PABIR3: variants seen among roughly 807,000 people sequenced by gnomAD.
PABIR3 encodes the protein PABIR family member 3, also known as PABIR family member 1.
PABIR3 carries 20 observed loss-of-function variants against 23.1 expected under a neutral mutation model. The ratio of observed to expected loss-of-function variants is 0.86; its 90% CI spans 0.61 to 1.26. PABIR3 has a LOEUF of 1.26. PABIR3 is among the 50% of genes most tolerant of loss of function. PABIR3 has a pLI of 0.00. For missense variants in PABIR3, 189 were observed against 195.4 expected (o/e 0.97, Z 0.20); for synonymous variants, 69 against 68.5 (o/e 1.01, Z -0.04).
At chrX:134,851,767 G>A (rs1172756556) in intron 9 of PABIR3, among the ~76,000 whole-genome samples, 3 of 111,538 alleles carry the variant, frequency 2.7e-5, no homozygotes, top group Non-Finnish European at 5.6e-5. Context: ...GGCAAGGCAC[G>A]GGACACCAGA....
In PABIR3 at chrX:134,854,078, T is replaced by G; in HGVS notation, c.687-13T>G. ...GAGTTCTGCTATCAATGAGTGGCATTTTCTTCTTCTAGTCTACTTCCAGCT... is the reference window on the plus strand; with the variant it reads ...GAGTTCTGCTATCAATGAGTGGCATGTTCTTCTTCTAGTCTACTTCCAGCT... On this transcript the variant is annotated splice_polypyrimidine_tract_variant and intron_variant, in intron 10 of 10. Coordinates refer to ENST00000645433, the MANE Select transcript of PABIR3 (RefSeq NM_001388447.1). The G allele has an allele frequency of 8.3e-7, 1 of 1,209,554 alleles. No homozygotes were observed. The highest frequency in any genetic ancestry group is 1.1e-6 in the Non-Finnish European group (1 of 894,258).
intron 2 of PABIR3, among the ~76,000 whole-genome samples, chrX:134,813,946 A>G (rs1372894835): frequency 9.1e-6 from 1 of 109,577 alleles, no homozygotes; most frequent in Non-Finnish European, 1.9e-5. Context: ...ACTTTTCAAT[A>G]GAAGCCAGAA....
chrX:134,849,135 T>C, intron 8 of PABIR3, 32 bp from the exon 9 acceptor site: 1 of 815,252 alleles, frequency 1.2e-6, no homozygotes, highest in Non-Finnish European at 1.6e-6. Flanking sequence ...TAAAAAAAAT[T>C]TCTTATAATG....
chrX:134,816,569 G>T (rs943026834), intron 3 of PABIR3, among the ~76,000 whole-genome samples: 1 of 110,778 alleles, frequency 9.0e-6, no homozygotes, highest in African/African-American at 3.3e-5. Flanking sequence ...TGATCCACCC[G>T]CCTTGGCCTC....
intron 10 of PABIR3, among the ~76,000 whole-genome samples, chrX:134,853,802 T>C (rs1446948038): frequency 9.1e-6 from 1 of 110,333 alleles, no homozygotes; most frequent in East Asian, 2.9e-4. Flanking sequence ...GTATTTTTAG[T>C]ATAGATGGGG....
At chrX:134,842,560 A>G (rs1435264677) in intron 4 of PABIR3, among the ~76,000 whole-genome samples, 1 of 110,761 alleles carries the variant, frequency 9.0e-6, no homozygotes, top group Non-Finnish European at 1.9e-5. Context: ...GTGAGCCGAG[A>G]TCGCGCCACT....
chrX:134,814,346 A>G, intron 2 of PABIR3, among the ~76,000 whole-genome samples: 1 of 111,685 alleles, frequency 9.0e-6, no homozygotes, highest in Non-Finnish European at 1.9e-5. Context: ...GTGTGTTTTA[A>G]TTTCTACCTT....
intron 3 of PABIR3, among the ~76,000 whole-genome samples, chrX:134,823,203 C>G (rs990833525): frequency 2.7e-5 from 3 of 110,556 alleles, no homozygotes; most frequent in African/African-American, 9.8e-5. Flanking sequence ...ATGTAACAAA[C>G]CTTCACATGT....
At chrX:134,848,928 A>AGGAGGC (rs2082527232) in intron 8 of PABIR3, among the ~76,000 whole-genome samples, 1 of 111,796 alleles carries the variant, frequency 8.9e-6, no homozygotes, top group Non-Finnish European at 1.9e-5. Flanking sequence ...ACTTGAACCC[A>AGGAGGC]GGAGGCGGAG....
Position 134,845,377 on chromosome X carries a change from C to T in PABIR3, c.321C>T (p.His107=), listed in dbSNP as rs2082399045. ...TACAAAGTGAGATACAGATAAGTCACTCTTGGGAAGAAGGCTTGAAACTGG... is the reference window on the plus strand; with the variant it reads ...TACAAAGTGAGATACAGATAAGTCATTCTTGGGAAGAAGGCTTGAAACTGG... The part of the protein sequence containing the change: ...WKLQSEIQIS[H]SWEEGLKLND... Residue 107 remains histidine, a synonymous_variant, in exon 6 of 11, where the codon CAC becomes CAT. Transcript: ENST00000645433. 1 of 1,203,980 alleles carries T rather than the reference C, an allele frequency of 8.3e-7. No homozygotes were observed. Among genetic ancestry groups the T allele is most frequent in the Non-Finnish European group, 1.1e-6 (1 of 893,218 alleles).
At chrX:134,798,681 G>A (rs1023028698) in intron 1 of PABIR3, among the ~76,000 whole-genome samples, 8 of 111,979 alleles carry the variant, frequency 7.1e-5, no homozygotes, top group African/African-American at 2.6e-4. Flanking sequence ...AGACCCTGTG[G>A]GTCATTGTCC....
chrX:134,850,927 C>A (rs1443187275), intron 9 of PABIR3, among the ~76,000 whole-genome samples: 1 of 111,581 alleles, frequency 9.0e-6, no homozygotes, highest in African/African-American at 3.3e-5. Context: ...ATGCCCTGTA[C>A]AAATGTGCTG....
At chrX:134,796,424 G>A, upstream of PABIR3, 1 of 384,811 alleles carries the variant, frequency 2.6e-6, no homozygotes, top group Non-Finnish European at 4.5e-6. Flanking sequence ...GGATGATGGT[G>A]AGGCAGGAGA....
chrX:134,809,945 A>G, intron 2 of PABIR3: 2 of 754,633 alleles, frequency 2.7e-6, no homozygotes, highest in Non-Finnish European at 3.1e-6. Context: ...AGGCAGGTAG[A>G]AAAACATAGA....
At chrX:134,850,265 A>G (rs1052904233) in intron 9 of PABIR3, among the ~76,000 whole-genome samples, 1 of 111,027 alleles carries the variant, frequency 9.0e-6, no homozygotes, top group Non-Finnish European at 1.9e-5. Flanking sequence ...TATTAAGGTA[A>G]GAAAGAGGAG....
chrX:134,846,353 A>G (rs1332957255), intron 6 of PABIR3, among the ~76,000 whole-genome samples: 1 of 112,227 alleles, frequency 8.9e-6, no homozygotes, highest in East Asian at 2.8e-4. Flanking sequence ...CCTGTAACAC[A>G]TTCTCCCACT....
chrX:134,838,594 T>C (rs1277337984), intron 4 of PABIR3: 3 of 97,899 alleles, frequency 3.1e-5, no homozygotes, highest in African/African-American at 1.2e-4. Context: ...CAAGCCACTG[T>C]GCCTGGCCAA....
intron 3 of PABIR3, among the ~76,000 whole-genome samples, chrX:134,828,976 A>G (rs1438031539): frequency 9.0e-6 from 1 of 111,412 alleles, no homozygotes; most frequent in Non-Finnish European, 1.9e-5. Flanking sequence ...TCCTCTATTG[A>G]TGTTCTGCTC....
chrX:134,844,617 G>C (rs775623540), intron 4 of PABIR3, among the ~76,000 whole-genome samples: 1 of 111,996 alleles, frequency 8.9e-6, no homozygotes, highest in African/African-American at 3.2e-5. Context: ...GATAACCACT[G>C]TTAAGTTTCT....
Sources: gnomAD v4.1 joint callset for allele counts (sites outside exome capture counted in the v4.1 genomes callset) on GRCh38, gnomAD v4.1.1 for gene constraint, MANE v1.5 for transcripts, NCBI Gene and HGNC (gene_info 2026-07-23, HGNC 2026-07-21) for gene names.